Variants in EXD3 observed in about 807,000 individuals in gnomAD.
EXD3 encodes the protein exonuclease 3'-5' domain containing 3.
EXD3 carries 92 observed loss-of-function variants against 98.0 expected under a neutral mutation model. The ratio of observed to expected loss-of-function variants is 0.94; its 90% CI spans 0.79 to 1.12. EXD3 has a LOEUF of 1.12. Among genes scored for constraint, EXD3 ranks in the 50% most tolerant of loss-of-function variants. The pLI, the probability that EXD3 is intolerant of heterozygous loss-of-function variation, is 0.00. For synonymous variants in EXD3, 569 were observed against 526.0 expected, an observed-to-expected ratio of 1.08 and a Z score of -1.12; for missense variants, 1,222 against 1,191.6, an observed-to-expected ratio of 1.03 and a Z score of -0.38.
intron 19 of EXD3, among the ~76,000 whole-genome samples, chr9:137,312,126 G>A (rs943591769): frequency 3.9e-5 from 6 of 152,186 alleles, no homozygotes; most frequent in African/African-American, 1.2e-4. Context: ...CCAGGGTGCC[G>A]TCGGGTCTGG....
chr9:137,385,128 G>A lies in EXD3; in HGVS notation c.56-1751C>T, dbSNP rs1423455967. On this transcript the variant is annotated intron_variant, in intron 2 of 21. Coordinates refer to ENST00000340951, the MANE Select transcript of EXD3 (RefSeq NM_017820.5). The surrounding 1 kb of genome is among the most constrained non-coding windows in gnomAD (Gnocchi z 4.4). Reference sequence around the variant, plus strand: ...AAAAAACCATAAAACACCGTGGGGCGCCCAGGCTCCACCATGGCGTCTCTG... The same window carrying A: ...AAAAAACCATAAAACACCGTGGGGCACCCAGGCTCCACCATGGCGTCTCTG... Among the ~76,000 whole-genome samples, 1 of 152,164 alleles carries A rather than the reference G, an allele frequency of 6.6e-6. No individual in the cohort carries two copies. Among genetic ancestry groups the A allele is most frequent in the Non-Finnish European group, 1.5e-5 (1 of 68,050 alleles).
chr9:137,372,228 T>C (rs1043615354), intron 5 of EXD3, among the ~76,000 whole-genome samples: 1 of 152,070 alleles, frequency 6.6e-6, no homozygotes, highest in African/African-American at 2.4e-5. Flanking sequence ...AAGGGTTGGA[T>C]ACTGATCCGA....
rs570243090 is a variant in EXD3, at chr9:137,408,546, C to CAAAAAAAAAAAAAAAAAAAAAAAAAAA, written c.-47-13143_-47-13142insTTTTTTTTTTTTTTTTTTTTTTTTTTT. The stretch of plus-strand genomic sequence containing the variant: ...TGGGCGATAGAGTGAGACTCTGCCT[C>CAAAAAAAAAAAAAAAAAAAAAAAAAAA]AAAAAAAAAAAAAAAAAAAGAGGGC... On this transcript the variant is annotated intron_variant, in intron 1 of 21. Coordinates refer to ENST00000340951, the MANE Select transcript of EXD3 (RefSeq NM_017820.5). Among the ~76,000 whole-genome samples, 46 of 44,454 alleles carry CAAAAAAAAAAAAAAAAAAAAAAAAAAA rather than the reference C, an allele frequency of 1.0e-3. 1 individual carries two copies. The highest frequency in any genetic ancestry group is 1.4e-3 in the Non-Finnish European group (34 of 25,104). The allele number at this position is 44,454 out of a possible 152,430, so 29.2% of individuals were successfully genotyped here. A position where few individuals can be genotyped will look rare whatever the true frequency, so the allele number is the denominator to read the frequency against.
intron 19 of EXD3, among the ~76,000 whole-genome samples, chr9:137,322,662 C>T (rs1457200398): frequency 1.1e-4 from 15 of 136,250 alleles, no homozygotes; most frequent in East Asian, 2.3e-4. Flanking sequence ...CCCGGACCCC[C>T]GAGGGATTTT....
chr9:137,368,457 G>T (rs1050635392), intron 5 of EXD3, among the ~76,000 whole-genome samples: 13 of 152,200 alleles, frequency 8.5e-5, no homozygotes, highest in Admixed American at 7.8e-4. Flanking sequence ...AGGCCTGGGG[G>T]GTCCTAGCCC....
chr9:137,321,061 A>G (rs936432073), intron 19 of EXD3, among the ~76,000 whole-genome samples: 1 of 151,716 alleles, frequency 6.6e-6, no homozygotes, highest in African/African-American at 2.4e-5. Context: ...GTCAGACTGC[A>G]CCCCCAGGCC....
At chr9:137,316,331 G>C (rs943479211) in intron 19 of EXD3, among the ~76,000 whole-genome samples, 1 of 151,942 alleles carries the variant, frequency 6.6e-6, no homozygotes, top group Non-Finnish European at 1.5e-5. Context: ...CGGCCTGGGG[G>C]ACCCCGCCTG....
chr9:137,398,742 G>A (rs1837340641), intron 1 of EXD3, among the ~76,000 whole-genome samples: 4 of 128,644 alleles, frequency 3.1e-5, no homozygotes, highest in African/African-American at 1.2e-4. Flanking sequence ...ACAGGCACCC[G>A]CGTCCCCGAG....
At chr9:137,344,607 G>A (rs10120415) in intron 17 of EXD3, among the ~76,000 whole-genome samples, 1 of 152,182 alleles carries the variant, frequency 6.6e-6, no homozygotes, top group Admixed American at 6.5e-5. Context: ...AGCTTTTCAG[G>A]TTACACTTTT....
Position 137,395,884 on chromosome 9 carries a change from A to G in EXD3, c.-47-480T>C, listed in dbSNP as rs1215070153. On this transcript the variant is annotated intron_variant, in intron 1 of 21. Transcript: ENST00000340951. This position sits in a 1 kb window ranked among gnomAD's most constrained non-coding sequence, Gnocchi z 6.5. ...GGCTGACCCAGTACGCAGCTCCGTA[A>G]GACTCCAGGCGGCCGCTGACAGCTC... Among the ~76,000 whole-genome samples the G allele has an allele frequency of 2.6e-5, 4 of 152,086 alleles. No homozygotes were observed. The highest frequency in any genetic ancestry group is 9.6e-5 in the African/African-American group (4 of 41,474).
At chr9:137,383,137 C>G (rs1836403178) in intron 3 of EXD3, among the ~76,000 whole-genome samples, 176 bp downstream of exon 3, 1 of 152,240 alleles carries the variant, frequency 6.6e-6, no homozygotes, top group South Asian at 2.1e-4. Context: ...GGACCGCCCC[C>G]TGCCCCACAC....
At chr9:137,404,977 A>C (rs111746911) in intron 1 of EXD3, among the ~76,000 whole-genome samples, 3,302 of 152,068 alleles carry the variant, frequency 0.022, 111 homozygotes, top group African/African-American at 0.075. Context: ...AGCTGTTGCC[A>C]CAGCCCTCCC....
At chr9:137,322,619 C>T (rs1487262969) in intron 19 of EXD3, among the ~76,000 whole-genome samples, 2 of 107,672 alleles carry the variant, frequency 1.9e-5, no homozygotes, top group African/African-American at 3.7e-5. Context: ...CACCTCACCC[C>T]GGACCACGAG....
intron 3 of EXD3, among the ~76,000 whole-genome samples, chr9:137,376,271 G>T (rs1835893990): frequency 6.7e-6 from 1 of 149,764 alleles, no homozygotes. Context: ...GTGAACCCAG[G>T]AGGCGGAGCT....
Position 137,307,128 on chromosome 9 carries a change from A to C in EXD3, c.2453T>G (p.Val818Gly), listed in dbSNP as rs1422577741. The stretch of plus-strand genomic sequence containing the variant: ...CAGCCCAGGTGTCCTCAGCACACCC[A>C]CCGGGACCCCTGCCAGCTGCAGCCG... ...GTRLQLAGVP[V>G]GVLRTPGLRC... Residue 818 changes from valine (V) to glycine (G), a missense_variant, in exon 22 of 22, where the codon GTG (valine) becomes GGG (glycine). By Grantham distance (109) the Val-to-Gly change is moderately radical. Transcript: ENST00000340951. 1 of 1,602,566 alleles carries C rather than the reference A, an allele frequency of 6.2e-7. No homozygotes were observed. Among genetic ancestry groups the C allele is most frequent in the Non-Finnish European group, 8.5e-7 (1 of 1,175,610 alleles).
At chr9:137,380,805 C>G (rs1035811619) in intron 3 of EXD3, among the ~76,000 whole-genome samples, 12 of 147,512 alleles carry the variant, frequency 8.1e-5, no homozygotes, top group Non-Finnish European at 1.5e-4. Context: ...CACCAGAAGG[C>G]CCCCCCGAGG....
intron 8 of EXD3, among the ~76,000 whole-genome samples, chr9:137,355,623 G>GAA (rs1211364775): frequency 7.3e-4 from 10 of 13,778 alleles, no homozygotes; most frequent in African/African-American, 3.7e-3. Flanking sequence ...AGGAGGAAGG[G>GAA]AGGATGGAGG....
intron 3 of EXD3, among the ~76,000 whole-genome samples, chr9:137,373,985 C>T (rs76851677): frequency 0.016 from 2,368 of 152,374 alleles, 63 homozygotes; most frequent in African/African-American, 0.054. Context: ...AGAACCGAAA[C>T]CCAAACTGAA....
At chr9:137,332,110 C>T (rs1833095623) in intron 17 of EXD3, among the ~76,000 whole-genome samples, 1 of 152,132 alleles carries the variant, frequency 6.6e-6, no homozygotes. Flanking sequence ...AATGGAAATA[C>T]ATCCCATGGT....
Sources: gnomAD v4.1 joint callset for allele counts (sites outside exome capture counted in the v4.1 genomes callset) on GRCh38, gnomAD v4.1.1 for gene constraint, Gnocchi (gnomAD v3.1) non-coding constraint, MANE v1.5 for transcripts, NCBI Gene and HGNC (gene_info 2026-07-23, HGNC 2026-07-21) for gene names.